Variants in SEPTIN11 observed in about 807,000 individuals in gnomAD.
SEPTIN11 encodes the protein septin-11.
A neutral mutation model predicts 51.4 loss-of-function variants in SEPTIN11; 25 were observed. The ratio of observed to expected loss-of-function variants is 0.49; its 90% CI spans 0.35 to 0.68. The LOEUF (loss-of-function observed/expected upper bound fraction) is 0.68. Among genes scored for constraint, SEPTIN11 ranks in the 30% least tolerant of loss-of-function variants. The pLI is 0.00. For missense variants in SEPTIN11, 381 were observed against 520.8 expected, an observed-to-expected ratio of 0.73 and a Z score of 2.61; for synonymous variants, 174 against 184.1, an observed-to-expected ratio of 0.95 and a Z score of 0.44.
intron 4 of SEPTIN11, among the ~76,000 whole-genome samples, chr4:77,014,557 T>A (rs1725080377): frequency 6.6e-6 from 1 of 151,980 alleles, no homozygotes; most frequent in African/African-American, 2.4e-5. Context: ...CAGTGCAGGA[T>A]GGGAGGAAGT....
intron 1 of SEPTIN11, among the ~76,000 whole-genome samples, chr4:76,959,417 A>G (rs1359397466): frequency 6.6e-6 from 1 of 151,878 alleles, no homozygotes; most frequent in Non-Finnish European, 1.5e-5. Flanking sequence ...ACATGGCCAG[A>G]TTAAAAAAGT....
At chr4:77,025,050 C>T (rs531852319) in intron 7 of SEPTIN11, among the ~76,000 whole-genome samples, 18 of 152,222 alleles carry the variant, frequency 1.2e-4, no homozygotes, top group African/African-American at 2.9e-4. Context: ...TGTCTGTGTT[C>T]GTTCTCTCTT....
At chr4:76,967,323 G>A (rs1297520739) in intron 1 of SEPTIN11, among the ~76,000 whole-genome samples, 1 of 152,196 alleles carries the variant, frequency 6.6e-6, no homozygotes, top group Admixed American at 6.5e-5. Flanking sequence ...GCTTCAATTA[G>A]GTTCCGTGTT....
At chr4:76,963,868 T>A (rs1721919654) in intron 1 of SEPTIN11, among the ~76,000 whole-genome samples, 1 of 152,214 alleles carries the variant, frequency 6.6e-6, no homozygotes, top group South Asian at 2.1e-4. Context: ...GTTTGTTACA[T>A]ATGTATACAT....
rs1726894464 is a variant in SEPTIN11, at chr4:77,034,493, G to A, written c.1275-4G>A. 5.8e-6 allele frequency: 9 copies of A among 1,541,326 alleles called. No homozygotes were observed. The highest frequency in any genetic ancestry group is 7.8e-6 in the Non-Finnish European group (9 of 1,149,720). ...ACTTTTTTGTTTTGTTTTTTAACTT[G>A]CAGTGCAAGCTTCACATAAAGCCTG... is the stretch of plus-strand genomic sequence containing the variant. On this transcript the variant is annotated splice_region_variant and splice_polypyrimidine_tract_variant and intron_variant, in intron 9 of 9. Coordinates refer to ENST00000264893, the MANE Select transcript of SEPTIN11 (RefSeq NM_018243.4).
chr4:76,962,053 G>A (rs902230801), intron 1 of SEPTIN11, among the ~76,000 whole-genome samples: 6 of 152,186 alleles, frequency 3.9e-5, no homozygotes, highest in East Asian at 1.9e-4. Context: ...TAAAACTGCC[G>A]TTAATTAAAT....
chr4:77,037,758 A>G lies in SEPTIN11; in HGVS notation c.*3246A>G. On this transcript the variant is annotated 3_prime_UTR_variant, in exon 10 of 10. Transcript: ENST00000264893. ...AAAGCATTGATGAGAATTTATTGGCAGTTCAGATTGTGTTTTCCCAACTTA... is the reference window on the plus strand; with the variant it reads ...AAAGCATTGATGAGAATTTATTGGCGGTTCAGATTGTGTTTTCCCAACTTA... The G allele has an allele frequency of 3.0e-6, 3 of 985,894 alleles. No individual in the cohort carries two copies. Among genetic ancestry groups the G allele is most frequent in the Non-Finnish European group, 3.6e-6 (3 of 829,940 alleles). 61.1% of individuals were successfully genotyped at this position (985,894 alleles called of 1,614,324 possible).
rs1725106126 is a variant in SEPTIN11, at chr4:77,014,847, G to A, written c.526-9G>A. 6.2e-7 allele frequency: 1 copy of A among 1,613,152 alleles called. No homozygotes were observed. Among genetic ancestry groups the A allele is most frequent in the Admixed American group, 1.7e-5 (1 of 59,886 alleles). ...GAATTGTGTAAAAATGGACGTGTCT[G>A]TTTTACAGGTGAACATCATTCCAAT... is the stretch of plus-strand genomic sequence containing the variant. On this transcript the variant is annotated splice_polypyrimidine_tract_variant and intron_variant, in intron 4 of 9. Transcript: ENST00000264893.
intron 2 of SEPTIN11, among the ~76,000 whole-genome samples, chr4:77,000,438 G>T (rs1234021430): frequency 1.3e-5 from 2 of 152,184 alleles, no homozygotes; most frequent in Admixed American, 1.3e-4. Context: ...GATAGAGTCA[G>T]TACTCAAAGT....
At chr4:77,013,956 G>A (rs189836448) in intron 4 of SEPTIN11, among the ~76,000 whole-genome samples, 179 of 152,252 alleles carry the variant, frequency 1.2e-3, no homozygotes, top group Admixed American at 4.2e-3. Context: ...CTTAAAATGC[G>A]AATTTAAGAA....
intron 7 of SEPTIN11, among the ~76,000 whole-genome samples, chr4:77,023,684 A>G (rs1004804715): frequency 1.3e-5 from 2 of 152,142 alleles, no homozygotes; most frequent in Admixed American, 1.3e-4. Context: ...GGAAACCACT[A>G]CTTTTAAAAG....
At chr4:76,988,503 T>G (rs1298281131) in intron 1 of SEPTIN11, among the ~76,000 whole-genome samples, 1 of 152,250 alleles carries the variant, frequency 6.6e-6, no homozygotes, top group Non-Finnish European at 1.5e-5. Context: ...TTCCTAGGTT[T>G]TTTGTTTGTT....
chr4:77,038,652 T>C (rs914132541), downstream of SEPTIN11: 12 of 997,596 alleles, frequency 1.2e-5, no homozygotes, highest in Admixed American at 1.2e-4. Context: ...TTTTAGTCAC[T>C]GCTTGGTTTG....
chr4:77,031,027 T>C (rs1234034400), intron 9 of SEPTIN11, 57 bp downstream of exon 9: 11 of 1,479,144 alleles, frequency 7.4e-6, no homozygotes, highest in Non-Finnish European at 1.0e-5. Context: ...TCCTCTTGCA[T>C]GTCTCTACTT....
chr4:77,028,347 C>A (rs1726334791), intron 7 of SEPTIN11, among the ~76,000 whole-genome samples: 1 of 152,182 alleles, frequency 6.6e-6, no homozygotes, highest in East Asian at 1.9e-4. Flanking sequence ...CTCCTCAGCC[C>A]AGGTTTTCCT....
downstream of SEPTIN11, chr4:77,039,075 T>G (rs1258220136): frequency 2.3e-6 from 3 of 1,288,874 alleles, no homozygotes; most frequent in South Asian, 1.2e-5. Context: ...TTCTGTAGCT[T>G]CTTCTTTATG....
rs1726927599 is a variant in SEPTIN11, at chr4:77,034,889, A to G, written c.*377A>G. Reference sequence around the variant, plus strand: ...TCTCACCGCCTCAGCAGCTGAACTAAAAACCTGAATAGCCATGACAAGAGT... The same window carrying G: ...TCTCACCGCCTCAGCAGCTGAACTAGAAACCTGAATAGCCATGACAAGAGT... On this transcript the variant is annotated 3_prime_UTR_variant, in exon 10 of 10. Transcript: ENST00000264893. 1.0e-6 allele frequency: 1 copy of G among 1,002,844 alleles called. No homozygotes were observed. 62.1% of individuals were successfully genotyped at this position (1,002,844 alleles called of 1,614,324 possible). A position where few individuals can be genotyped will look rare whatever the true frequency, so the allele number is the denominator to read the frequency against.
rs199613229 is a variant in SEPTIN11, at chr4:77,030,995, T to G, written c.1274+25T>G. ...AGTAAGCAGGTGTCACCCCCCTGTATCGGGGACCTCTAACAATTTATTCCT... is the reference window on the plus strand; with the variant it reads ...AGTAAGCAGGTGTCACCCCCCTGTAGCGGGGACCTCTAACAATTTATTCCT... On this transcript the variant is annotated intron_variant, in intron 9 of 9. Coordinates refer to ENST00000264893, the MANE Select transcript of SEPTIN11 (RefSeq NM_018243.4). The G allele has an allele frequency of 2.3e-5, 36 of 1,576,376 alleles. No homozygotes were observed. In the African/African-American group the frequency reaches 5.0e-4, roughly 22 times the overall value.
Position 77,020,492 on chromosome 4 carries a change from T to A in SEPTIN11, c.785-10T>A, listed in dbSNP as rs1453967833. 6.2e-7 allele frequency: 1 copy of A among 1,611,168 alleles called. No homozygotes were observed. Among genetic ancestry groups the A allele is most frequent in the South Asian group, 1.1e-5 (1 of 89,268 alleles). Reference sequence around the variant, plus strand: ...AATCCCACTTCCGCCATTTCCCCCCTCTCTTGTAGTTGAGAATGAAAATCA... The same window carrying A: ...AATCCCACTTCCGCCATTTCCCCCCACTCTTGTAGTTGAGAATGAAAATCA... On this transcript the variant is annotated splice_polypyrimidine_tract_variant and intron_variant, in intron 6 of 9. Transcript: ENST00000264893.
Sources: gnomAD v4.1 joint callset for allele counts (sites outside exome capture counted in the v4.1 genomes callset) on GRCh38, gnomAD v4.1.1 for gene constraint, MANE v1.5 for transcripts, NCBI Gene and HGNC (gene_info 2026-07-23, HGNC 2026-07-21) for gene names.